Variants in CLHC1 observed in about 807,000 individuals in gnomAD.
The protein encoded by CLHC1 is clathrin heavy chain linker domain containing 1, also known as clathrin heavy chain linker domain-containing protein 1.
Under a neutral mutation model 69.5 loss-of-function variants are expected in CLHC1, and 72 were observed. The ratio of observed to expected loss-of-function variants is 1.04; its 90% CI spans 0.86 to 1.26. The LOEUF is 1.26. Among genes scored for constraint, CLHC1 ranks in the 50% most tolerant of loss-of-function variants. CLHC1 has a pLI of 0.00. For missense variants in CLHC1, 790 were observed against 679.3 expected (o/e 1.16, Z -1.81); for synonymous variants, 223 against 224.3 (o/e 0.99, Z 0.05).
At chr2:55,180,474 T>A (rs13003020) in intron 11 of CLHC1, 36 bp downstream of exon 11, 80,680 of 1,500,792 alleles carry the variant, frequency 0.054, 2,417 homozygotes, top group East Asian at 0.12. Context: ...AAGCCCAGAA[T>A]TCAAATGTAT....
chr2:55,175,804 G>A lies in CLHC1; in HGVS notation c.1747C>T (p.His583Tyr). ...EEDDAVNLME[H>Y]VFW ...AAGATATAGAACTACCAAAACACAT[G>A]TTCCATTAGGTTGACTGCGTCATCC... is the stretch of plus-strand genomic sequence containing the variant. Residue 583 changes from histidine (H) to tyrosine (Y), a missense_variant, in exon 13 of 13, where the codon CAT becomes TAT. Coordinates refer to ENST00000401408, the MANE Select transcript of CLHC1 (RefSeq NM_152385.4). The A allele has an allele frequency of 6.2e-7, 1 of 1,613,712 alleles. No homozygotes were observed. The highest frequency in any genetic ancestry group is 2.2e-5 in the East Asian group (1 of 44,846).
At chr2:55,197,242 T>A (rs762748093) in intron 9 of CLHC1, among the ~76,000 whole-genome samples, 2 of 152,084 alleles carry the variant, frequency 1.3e-5, no homozygotes, top group African/African-American at 4.8e-5. Flanking sequence ...CCTGATGGTA[T>A]CTCTGGAGCC....
At chr2:55,221,439 G>C (rs1463293079) in intron 3 of CLHC1, among the ~76,000 whole-genome samples, 3 of 152,124 alleles carry the variant, frequency 2.0e-5, no homozygotes, top group African/African-American at 7.2e-5. Flanking sequence ...ATTAATTCCA[G>C]TCTAATTCCT....
At chr2:55,197,609 G>A (rs945825372) in intron 9 of CLHC1, among the ~76,000 whole-genome samples, 2 of 152,134 alleles carry the variant, frequency 1.3e-5, no homozygotes, top group Non-Finnish European at 2.9e-5. Context: ...GAATTCTTCT[G>A]GATCTTATCC....
At chr2:55,189,698 T>C (rs1558461532) in intron 9 of CLHC1, among the ~76,000 whole-genome samples, 1 of 152,142 alleles carries the variant, frequency 6.6e-6, no homozygotes, top group East Asian at 1.9e-4. Context: ...GCTTCAGAGA[T>C]CTGTACAGCG....
chr2:55,204,415 T>C (rs569387752), intron 9 of CLHC1, among the ~76,000 whole-genome samples: 4 of 152,284 alleles, frequency 2.6e-5, no homozygotes, highest in African/African-American at 4.8e-5. Flanking sequence ...CAATGAGATA[T>C]CATCTCAGCC....
intron 9 of CLHC1, among the ~76,000 whole-genome samples, chr2:55,182,637 G>C (rs1670036096): frequency 6.6e-6 from 1 of 152,196 alleles, no homozygotes; most frequent in Non-Finnish European, 1.5e-5. Context: ...TTGGAATTTA[G>C]AGAACAAAAA....
chr2:55,182,156 T>G (rs1268485182), intron 9 of CLHC1, among the ~76,000 whole-genome samples: 1 of 152,018 alleles, frequency 6.6e-6, no homozygotes, highest in African/African-American at 2.4e-5. Flanking sequence ...TGAGGCCAAT[T>G]TGCTATGACC....
chr2:55,180,038 C>A (rs1202374253), intron 11 of CLHC1, among the ~76,000 whole-genome samples: 1 of 151,928 alleles, frequency 6.6e-6, no homozygotes, highest in Non-Finnish European at 1.5e-5. Flanking sequence ...CCTGTAGTCC[C>A]AGCTACTTGG....
At chr2:55,218,271 TTA>T in intron 3 of CLHC1, 1 of 225,278 alleles carries the variant, frequency 4.4e-6, no homozygotes. Context: ...AACACATGCA[TTA>T]TATGATTTCA....
chr2:55,199,918 T>C (rs1671776183), intron 9 of CLHC1, among the ~76,000 whole-genome samples: 1 of 152,056 alleles, frequency 6.6e-6, no homozygotes, highest in South Asian at 2.1e-4. Flanking sequence ...CAGACTAAAC[T>C]TTCCAATCAA....
chr2:55,191,257 T>C (rs1424058642), intron 9 of CLHC1, among the ~76,000 whole-genome samples: 1 of 152,218 alleles, frequency 6.6e-6, no homozygotes, highest in African/African-American at 2.4e-5. Flanking sequence ...ACATATGTTT[T>C]TGCAGACGGA....
intron 10 of CLHC1, among the ~76,000 whole-genome samples, chr2:55,181,233 G>T (rs1010231856): frequency 2.2e-4 from 34 of 151,714 alleles, no homozygotes; most frequent in African/African-American, 8.2e-4. Context: ...TGCCCACCTC[G>T]GACTCCCAAA....
Position 55,217,822 on chromosome 2 carries a change from T to C in CLHC1, c.354A>G (p.Gln118=). Residue 118 remains glutamine, a synonymous_variant, in exon 4 of 13, where the codon CAA becomes CAG. Coordinates refer to ENST00000401408, the MANE Select transcript of CLHC1 (RefSeq NM_152385.4). ...ACTAAAATACTTACTTTGCTTCAAG[T>C]TGGATTGTTCTTTTCCTGTAATATA... The part of the protein sequence containing the change: ...ALVYYRKRTI[Q]LEAKMRIIES... The C allele has an allele frequency of 2.0e-6, 3 of 1,533,404 alleles. No individual in the cohort carries two copies. Among genetic ancestry groups the C allele is most frequent in the African/African-American group, 1.4e-5 (1 of 70,520 alleles). The allele number at this position is 1,533,404 out of a possible 1,614,324, so 95.0% of individuals were successfully genotyped here.
chr2:55,177,825 AT>A lies in CLHC1; in HGVS notation c.1385-45del, dbSNP rs748207070. The A allele has an allele frequency of 7.1e-6, 10 of 1,406,900 alleles. No homozygotes were observed. The East Asian group carries it at 2.3e-4, about 32-fold the overall frequency. 87.2% of individuals were successfully genotyped at this position (1,406,900 alleles called of 1,614,324 possible). ...AAGTTTATCTCAATGTCCTAATATC[AT>A]AAATCAACTAGAAACTAGGACTAGC... On this transcript the variant is annotated intron_variant, in intron 11 of 12. Coordinates refer to ENST00000401408, the MANE Select transcript of CLHC1 (RefSeq NM_152385.4).
intron 12 of CLHC1, 65 bp downstream of exon 12, chr2:55,177,537 A>T: frequency 8.6e-7 from 1 of 1,167,972 alleles, no homozygotes; most frequent in South Asian, 1.9e-5. Flanking sequence ...CTCATGCATA[A>T]CCATCTTGAA....
chr2:55,203,729 T>A (rs1488918738), intron 9 of CLHC1, among the ~76,000 whole-genome samples: 1 of 152,034 alleles, frequency 6.6e-6, no homozygotes, highest in Non-Finnish European at 1.5e-5. Flanking sequence ...TTGGGGAAAT[T>A]CTCCAGGACA....
intron 9 of CLHC1, among the ~76,000 whole-genome samples, chr2:55,196,842 G>A (rs895308775): frequency 1.3e-5 from 2 of 152,212 alleles, no homozygotes; most frequent in Non-Finnish European, 2.9e-5. Flanking sequence ...ACTTTGTCTT[G>A]CAGCTTAGGT....
Position 55,209,669 on chromosome 2 carries a change from C to T in CLHC1, c.662G>A (p.Arg221Gln), listed in dbSNP as rs773102519. The T allele has an allele frequency of 6.8e-5, 109 of 1,613,952 alleles. No individual in the cohort carries two copies. Among genetic ancestry groups the T allele is most frequent in the Non-Finnish European group, 7.8e-5 (92 of 1,180,008 alleles). The part of the protein sequence containing the change: ...DEEMIVLLKR[R>Q]DVAENLNKKL... Reference sequence around the variant, plus strand: ...TTTGTTCAGATTTTCAGCTACATCTCGCCGTTTTAATAACACAATCATTTC... The same window carrying T: ...TTTGTTCAGATTTTCAGCTACATCTTGCCGTTTTAATAACACAATCATTTC... Residue 221 changes from arginine to glutamine, a missense_variant, in exon 6 of 13, where the codon CGA (arginine) becomes CAA (glutamine). Transcript: ENST00000401408.
Sources: allele counts gnomAD v4.1 joint callset (sites outside exome capture counted in the v4.1 genomes callset), GRCh38; gene constraint gnomAD v4.1.1; transcripts MANE v1.5; gene names NCBI Gene and HGNC (gene_info 2026-07-23, HGNC 2026-07-21).